TENM2: variants seen among roughly 807,000 people sequenced by gnomAD.
TENM2 encodes teneurin transmembrane protein 2, also known as teneurin-2.
A neutral mutation model predicts 245.2 loss-of-function variants in TENM2; 52 were observed. The ratio of observed to expected loss-of-function variants is 0.21; its 90% CI spans 0.17 to 0.27. The LOEUF is 0.27. TENM2 is among the 10% of genes least tolerant of loss of function. TENM2 has a pLI of 1.00. For synonymous variants in TENM2, 1,363 were observed against 1,438.9 expected (o/e 0.95, Z 1.19); for missense variants, 3,046 against 3,666.8 (o/e 0.83, Z 4.37).
intron 2 of TENM2, among the ~76,000 whole-genome samples, chr5:167,625,514 T>C (rs963114475): frequency 2.6e-5 from 4 of 152,204 alleles, no homozygotes; most frequent in Admixed American, 2.0e-4. Context: ...CTGAAGTGTA[T>C]GTGTGATCAT....
At chr5:167,218,439 T>C in the TENM2 span, among the ~76,000 whole-genome samples, 1,167 of 152,294 alleles carry the variant, frequency 7.7e-3, 21 homozygotes, top group African/African-American at 0.027. Flanking sequence ...AAAAAGTTTT[T>C]GTGTTTTCAT....
intron 2 of TENM2, among the ~76,000 whole-genome samples, chr5:167,829,383 T>C (rs1477400347): frequency 6.6e-6 from 1 of 152,182 alleles, no homozygotes; most frequent in Non-Finnish European, 1.5e-5. Context: ...ATAGGAGACA[T>C]GAACCACACA....
intron 2 of TENM2, among the ~76,000 whole-genome samples, chr5:167,636,317 C>G (rs912097508): frequency 6.6e-6 from 1 of 152,122 alleles, no homozygotes; most frequent in Non-Finnish European, 1.5e-5. Flanking sequence ...TAATAATCAC[C>G]TATACAATTA....
chr5:167,607,000 C>G (rs1777100836), intron 2 of TENM2, among the ~76,000 whole-genome samples: 3 of 152,120 alleles, frequency 2.0e-5, no homozygotes, highest in Admixed American at 2.0e-4. Context: ...AACTGCTGCT[C>G]TCCTGAATAT....
intron 2 of TENM2, among the ~76,000 whole-genome samples, chr5:167,617,038 C>T (rs1455601075): frequency 1.3e-5 from 2 of 152,168 alleles, no homozygotes; most frequent in East Asian, 1.9e-4. Context: ...GTAAACATTA[C>T]ACAAGTATTG....
At chr5:167,406,793 C>A (rs549164554) in intron 2 of TENM2, among the ~76,000 whole-genome samples, 4 of 151,976 alleles carry the variant, frequency 2.6e-5, no homozygotes, top group Non-Finnish European at 1.5e-5. Context: ...GGTCTTATTT[C>A]TGTATGTTTG....
chr5:167,148,552 A>T, the TENM2 span, among the ~76,000 whole-genome samples: 1 of 152,324 alleles, frequency 6.6e-6, no homozygotes, highest in African/African-American at 2.4e-5. Flanking sequence ...AATATTTTTT[A>T]AATGCAAACA....
At chr5:168,231,604 G>A (rs1334980987) in intron 25 of TENM2, among the ~76,000 whole-genome samples, 1 of 152,128 alleles carries the variant, frequency 6.6e-6, no homozygotes, top group East Asian at 1.9e-4. Flanking sequence ...TGTGGCATTA[G>A]AAAGCTCTCT....
chr5:167,338,013 A>T (rs1757880580), intron 1 of TENM2, among the ~76,000 whole-genome samples: 1 of 152,234 alleles, frequency 6.6e-6, no homozygotes, highest in Non-Finnish European at 1.5e-5. Flanking sequence ...ACAATCTTGA[A>T]AGCATAAAAT....
At chr5:167,363,403 TTAAAA>T (rs760249127) in intron 1 of TENM2, among the ~76,000 whole-genome samples, 6 of 151,894 alleles carry the variant, frequency 4.0e-5, no homozygotes, top group South Asian at 2.1e-4. Context: ...TTTTTGAAAA[TTAAAA>T]TAAACCAACA....
intron 2 of TENM2, among the ~76,000 whole-genome samples, chr5:167,605,871 C>A (rs1023041606): frequency 5.3e-5 from 8 of 152,116 alleles, no homozygotes; most frequent in African/African-American, 1.9e-4. Flanking sequence ...AAAAAATATG[C>A]ATATTTGGGT....
At chr5:167,467,530 A>G (rs1016223345) in intron 2 of TENM2, among the ~76,000 whole-genome samples, 1 of 150,340 alleles carries the variant, frequency 6.7e-6, no homozygotes, top group Non-Finnish European at 1.5e-5. Context: ...AAAAAAAAAA[A>G]ACAGTAACCT....
the TENM2 span, among the ~76,000 whole-genome samples, chr5:167,233,915 G>A: frequency 5.9e-5 from 9 of 151,290 alleles, no homozygotes; most frequent in African/African-American, 2.2e-4. Flanking sequence ...AAAGTGAAAT[G>A]GTGCTTTAAA....
At chr5:167,433,849 T>C (rs1764385536) in intron 2 of TENM2, among the ~76,000 whole-genome samples, 1 of 152,152 alleles carries the variant, frequency 6.6e-6, no homozygotes, top group African/African-American at 2.4e-5. Context: ...ATCTTTAAAT[T>C]GATATATTTA....
intron 1 of TENM2, among the ~76,000 whole-genome samples, chr5:167,314,497 A>G (rs1756234688): frequency 6.6e-6 from 1 of 152,210 alleles, no homozygotes; most frequent in East Asian, 1.9e-4. Context: ...AGGGCATTAA[A>G]GAGAATTAAA....
At chr5:167,080,800 C>A in the TENM2 span, among the ~76,000 whole-genome samples, 1 of 151,794 alleles carries the variant, frequency 6.6e-6, no homozygotes, top group African/African-American at 2.4e-5. Flanking sequence ...ATAAAAATAC[C>A]TTTCCATATT....
intron 2 of TENM2, among the ~76,000 whole-genome samples, chr5:167,515,321 A>C (rs13181123): frequency 0.5 from 75,855 of 151,936 alleles, 20,723 homozygotes; most frequent in South Asian, 0.65. Context: ...GTATATATGT[A>C]AGTGTCTTTG....
intron 2 of TENM2, among the ~76,000 whole-genome samples, chr5:167,861,603 A>C (rs1184672357): frequency 6.6e-6 from 1 of 152,144 alleles, no homozygotes; most frequent in Non-Finnish European, 1.5e-5. Flanking sequence ...CTCTGGGGGC[A>C]TTGTTCTAGC....
chr5:167,001,376 A>G, the TENM2 span, among the ~76,000 whole-genome samples: 1 of 152,072 alleles, frequency 6.6e-6, no homozygotes, highest in Non-Finnish European at 1.5e-5. Flanking sequence ...CTTATTCTCA[A>G]GTGTACAGTG....
Sources: gnomAD v4.1 joint callset for allele counts (sites outside exome capture counted in the v4.1 genomes callset) on GRCh38, gnomAD v4.1.1 for gene constraint, MANE v1.5 for transcripts, NCBI Gene and HGNC (gene_info 2026-07-23, HGNC 2026-07-21) for gene names.